ZNF638: variants seen among roughly 807,000 people sequenced by gnomAD.
ZNF638 encodes CTCL tumor antigen se33-1.
ZNF638 carries 46 observed loss-of-function variants against 195.6 expected under a neutral mutation model. The observed-to-expected ratio is 0.24, with a 90% CI of 0.19 to 0.30. ZNF638 has a LOEUF of 0.30. Among genes scored for constraint, ZNF638 ranks in the 10% least tolerant of loss-of-function variants. ZNF638 has a pLI of 1.00. For synonymous variants in ZNF638, 845 were observed against 772.0 expected, an observed-to-expected ratio of 1.09 and a Z score of -1.57; for missense variants, 2,440 against 2,325.3, an observed-to-expected ratio of 1.05 and a Z score of -1.01.
chr2:71,405,756 G>A (rs1158172600), intron 18 of ZNF638, 114 bp downstream of exon 18: 1 of 760,692 alleles, frequency 1.3e-6, no homozygotes, highest in Non-Finnish European at 2.1e-6. Flanking sequence ...ATATTGAGGT[G>A]ATGGAGATGT....
At chr2:71,419,682 A>G (rs901089743) in intron 21 of ZNF638, among the ~76,000 whole-genome samples, 16 of 152,190 alleles carry the variant, frequency 1.1e-4, no homozygotes, top group African/African-American at 3.9e-4. Flanking sequence ...AAGCTCACAA[A>G]GGGCTTAATA....
intron 8 of ZNF638, chr2:71,374,783 G>A (rs2079390202): frequency 6.6e-6 from 1 of 152,252 alleles, no homozygotes. Context: ...GCTGGGTGCG[G>A]TGGTGCATGC....
chr2:71,338,640 A>G (rs1303147175), intron 1 of ZNF638, among the ~76,000 whole-genome samples: 1 of 152,220 alleles, frequency 6.6e-6, no homozygotes, highest in Non-Finnish European at 1.5e-5. Flanking sequence ...ACTGAGGTAC[A>G]TAAATCGTTT....
intron 13 of ZNF638, 122 bp from the exon 14 acceptor site, chr2:71,399,990 G>C (rs909391087): frequency 2.8e-6 from 2 of 710,944 alleles, no homozygotes; most frequent in Non-Finnish European, 4.3e-6. Flanking sequence ...GAGATGTTTG[G>C]CTTATGTCAG....
intron 15 of ZNF638, among the ~76,000 whole-genome samples, chr2:71,401,214 T>A (rs1029276003): frequency 3.3e-5 from 5 of 152,074 alleles, no homozygotes; most frequent in African/African-American, 9.7e-5. Flanking sequence ...CCCCTAGATA[T>A]CAAAAATTGC....
intron 16 of ZNF638, among the ~76,000 whole-genome samples, chr2:71,403,560 T>A (rs568746013): frequency 6.6e-5 from 10 of 152,188 alleles, no homozygotes; most frequent in Non-Finnish European, 1.5e-4. Flanking sequence ...CAGATACTGC[T>A]CTATGTACTA....
Position 71,369,866 on chromosome 2 carries a change from A to G in ZNF638, c.2143-17A>G. ...AAGATAGATTTGTGACTAAAGATGG[A>G]ATAAATTTCATTTTAGGCTTACCTA... On this transcript the variant is annotated splice_polypyrimidine_tract_variant and intron_variant, in intron 7 of 27. Transcript: ENST00000264447. 6.4e-7 allele frequency: 1 copy of G among 1,561,860 alleles called. No individual in the cohort carries two copies.
chr2:71,427,483 C>T, intron 24 of ZNF638, 69 bp downstream of exon 24: 1 of 1,146,800 alleles, frequency 8.7e-7, no homozygotes, highest in Non-Finnish European at 1.2e-6. Flanking sequence ...TTTTAAAATA[C>T]ATGTTGTGGC....
At chr2:71,340,049 G>A (rs2078738461) in intron 1 of ZNF638, among the ~76,000 whole-genome samples, 1 of 152,150 alleles carries the variant, frequency 6.6e-6, no homozygotes, top group Admixed American at 6.5e-5. Context: ...TGCTATATGG[G>A]ATTAATGCCT....
chr2:71,390,884 C>G (rs886624328), intron 10 of ZNF638, among the ~76,000 whole-genome samples: 1 of 152,184 alleles, frequency 6.6e-6, no homozygotes, highest in Non-Finnish European at 1.5e-5. Flanking sequence ...GTTAGCAACT[C>G]TAAACATGAC....
chr2:71,359,478 C>T (rs927041189), intron 3 of ZNF638, among the ~76,000 whole-genome samples: 13 of 152,156 alleles, frequency 8.5e-5, no homozygotes, highest in Non-Finnish European at 1.6e-4. Flanking sequence ...CAGCCTATGG[C>T]GTGATGCCCG....
intron 1 of ZNF638, among the ~76,000 whole-genome samples, chr2:71,338,636 G>T (rs546482951): frequency 1.2e-4 from 19 of 152,270 alleles, no homozygotes; most frequent in Non-Finnish European, 2.4e-4. Context: ...CAAAACTGAG[G>T]TACATAAATC....
At chr2:71,392,207 T>TAA (rs1287977644) in intron 10 of ZNF638, among the ~76,000 whole-genome samples, 1 of 152,252 alleles carries the variant, frequency 6.6e-6, no homozygotes, top group East Asian at 1.9e-4. Context: ...ATGCCCTTCC[T>TAA]GCTGGCAGAC....
chr2:71,339,399 C>T (rs2104102607), intron 1 of ZNF638, among the ~76,000 whole-genome samples: 1 of 152,310 alleles, frequency 6.6e-6, no homozygotes, highest in Non-Finnish European at 1.5e-5. Context: ...GATCCGCCCT[C>T]CTCAGCCTCC....
chr2:71,360,033 CT>C (rs1220777769), intron 3 of ZNF638, among the ~76,000 whole-genome samples: 1 of 152,188 alleles, frequency 6.6e-6, no homozygotes, highest in African/African-American at 2.4e-5. Context: ...TTATTCCAGA[CT>C]TTATCAATGA....
At chr2:71,386,903 A>G (rs1426534483) in intron 10 of ZNF638, among the ~76,000 whole-genome samples, 1 of 150,270 alleles carries the variant, frequency 6.7e-6, no homozygotes, top group Non-Finnish European at 1.5e-5. Flanking sequence ...GCTGGAGTTC[A>G]GTTGTGGAAT....
intron 8 of ZNF638, chr2:71,375,588 G>A (rs1348104344): frequency 6.6e-6 from 1 of 152,170 alleles, no homozygotes; most frequent in Non-Finnish European, 1.5e-5. Flanking sequence ...TGGCCATCTA[G>A]TTGCAGAGGC....
intron 8 of ZNF638, among the ~76,000 whole-genome samples, chr2:71,372,847 A>G (rs1456545898): frequency 6.6e-6 from 1 of 152,210 alleles, no homozygotes; most frequent in African/African-American, 2.4e-5. Flanking sequence ...ATGTTAGTGC[A>G]TTCCTCATTC....
intron 1 of ZNF638, among the ~76,000 whole-genome samples, chr2:71,344,641 C>T (rs2078821514): frequency 6.6e-6 from 1 of 152,242 alleles, no homozygotes; most frequent in East Asian, 1.9e-4. Context: ...ATTTAAAAAA[C>T]TGTCTTGAAT....
Sources: allele counts gnomAD v4.1 joint callset (sites outside exome capture counted in the v4.1 genomes callset), GRCh38; gene constraint gnomAD v4.1.1; transcripts MANE v1.5; gene names NCBI Gene and HGNC (gene_info 2026-07-23, HGNC 2026-07-21).